Variants in SORCS2 observed in about 807,000 individuals in gnomAD.
SORCS2 encodes sortilin related VPS10 domain containing receptor 2.
Under a neutral mutation model 141.6 loss-of-function variants are expected in SORCS2, and 100 were observed. The ratio of observed to expected loss-of-function variants is 0.71; its 90% CI spans 0.60 to 0.83. SORCS2 has a LOEUF of 0.83. Among genes scored for constraint, SORCS2 ranks in the 40% least tolerant of loss-of-function variants. The pLI is 0.00. For missense variants in SORCS2, 1,646 were observed against 1,560.2 expected (o/e 1.05, Z -0.93); for synonymous variants, 789 against 676.9 (o/e 1.17, Z -2.57).
At chr4:7,374,456 G>T (rs1248460023) in intron 1 of SORCS2, among the ~76,000 whole-genome samples, 2 of 152,084 alleles carry the variant, frequency 1.3e-5, no homozygotes, top group Non-Finnish European at 2.9e-5. Flanking sequence ...TGAAAATCGG[G>T]TGCCACGCTG....
At chr4:7,438,788 C>G (rs1314384199) in intron 2 of SORCS2, among the ~76,000 whole-genome samples, 1 of 152,078 alleles carries the variant, frequency 6.6e-6, no homozygotes, top group African/African-American at 2.4e-5. Context: ...GAGGTTCTCA[C>G]TACCCCTCCC....
At chr4:7,597,524 C>G (rs1266501317) in intron 3 of SORCS2, among the ~76,000 whole-genome samples, 1 of 106,294 alleles carries the variant, frequency 9.4e-6, no homozygotes, top group Non-Finnish European at 1.9e-5. Flanking sequence ...AGAGGTTACA[C>G]AATGGCGGGG....
intron 1 of SORCS2, among the ~76,000 whole-genome samples, chr4:7,328,716 CCT>C (rs1719443724): frequency 6.6e-6 from 1 of 152,180 alleles, no homozygotes; most frequent in Non-Finnish European, 1.5e-5. Flanking sequence ...CTTCCCTGCT[CCT>C]CACAGCTGCA....
At chr4:7,644,797 C>T (rs1291221881) in intron 4 of SORCS2, among the ~76,000 whole-genome samples, 1 of 152,236 alleles carries the variant, frequency 6.6e-6, no homozygotes, top group Non-Finnish European at 1.5e-5. Context: ...TGTCCTCACT[C>T]ACCACCTCCA....
intron 10 of SORCS2, among the ~76,000 whole-genome samples, chr4:7,686,284 C>T (rs1723865200): frequency 6.6e-6 from 1 of 152,260 alleles, no homozygotes; most frequent in African/African-American, 2.4e-5. Flanking sequence ...ACTTCATTCA[C>T]CGTGCAGTCC....
intron 2 of SORCS2, chr4:7,431,820 G>A (rs1342820224): frequency 2.0e-5 from 3 of 152,224 alleles, no homozygotes; most frequent in Non-Finnish European, 4.4e-5. Flanking sequence ...GGTCTGCGAC[G>A]TTTACTTAAG....
At chr4:7,720,162 A>G (rs749076161) in intron 18 of SORCS2, among the ~76,000 whole-genome samples, 3 of 152,188 alleles carry the variant, frequency 2.0e-5, no homozygotes, top group Non-Finnish European at 4.4e-5. Context: ...TATCTTGCAA[A>G]CAGCACTGGG....
intron 1 of SORCS2, among the ~76,000 whole-genome samples, chr4:7,276,293 C>G (rs919733113): frequency 2.0e-5 from 3 of 152,324 alleles, no homozygotes; most frequent in African/African-American, 4.8e-5. Context: ...GGGAAGGCAG[C>G]CTGCCCATGC....
At chr4:7,416,662 A>G (rs971271030) in intron 2 of SORCS2, among the ~76,000 whole-genome samples, 1 of 152,154 alleles carries the variant, frequency 6.6e-6, no homozygotes, top group Non-Finnish European at 1.5e-5. Flanking sequence ...GCATGCATGC[A>G]CACACTTGTG....
At chr4:7,391,237 G>A (rs971495126) in intron 1 of SORCS2, among the ~76,000 whole-genome samples, 6 of 152,228 alleles carry the variant, frequency 3.9e-5, no homozygotes, top group Non-Finnish European at 8.8e-5. Flanking sequence ...AGGTGAAGAC[G>A]CTGACGACTT....
At chr4:7,572,028 C>T (rs921548955) in intron 3 of SORCS2, among the ~76,000 whole-genome samples, 8 of 152,168 alleles carry the variant, frequency 5.3e-5, no homozygotes, top group Non-Finnish European at 8.8e-5. Context: ...TTTGCCCCTA[C>T]GTATGTCTGG....
intron 1 of SORCS2, among the ~76,000 whole-genome samples, chr4:7,258,230 T>C (rs531332727): frequency 4.9e-4 from 74 of 152,324 alleles, no homozygotes; most frequent in African/African-American, 1.6e-3. Flanking sequence ...ACATATGCCA[T>C]GGTGGTTTGC....
At chr4:7,529,138 G>A (rs967618852) in intron 2 of SORCS2, among the ~76,000 whole-genome samples, 1 of 152,080 alleles carries the variant, frequency 6.6e-6, no homozygotes, top group Non-Finnish European at 1.5e-5. Context: ...GGAATTTGGG[G>A]AACACTACTC....
At chr4:7,229,021 T>C (rs1437825595) in intron 1 of SORCS2, among the ~76,000 whole-genome samples, 1 of 152,188 alleles carries the variant, frequency 6.6e-6, no homozygotes, top group South Asian at 2.1e-4. Flanking sequence ...CTTGCTCTGC[T>C]TCGTGGCCTG....
At chr4:7,451,398 G>A (rs754940179) in intron 2 of SORCS2, among the ~76,000 whole-genome samples, 12 of 152,258 alleles carry the variant, frequency 7.9e-5, no homozygotes, top group Non-Finnish European at 1.5e-4. Flanking sequence ...CAAGGGATGA[G>A]AAATGGTTTC....
chr4:7,259,482 C>T (rs889881245), intron 1 of SORCS2, among the ~76,000 whole-genome samples: 6 of 152,176 alleles, frequency 3.9e-5, no homozygotes, highest in African/African-American at 7.2e-5. Context: ...GTGCTGAGGG[C>T]GCTCTTCCTG....
At chr4:7,498,908 G>A (rs1343429095) in intron 2 of SORCS2, among the ~76,000 whole-genome samples, 2 of 152,208 alleles carry the variant, frequency 1.3e-5, no homozygotes, top group East Asian at 1.9e-4. Context: ...AACATGTCAA[G>A]CTGAGCGTGG....
At chr4:7,720,131 T>C (rs1726489942) in intron 18 of SORCS2, among the ~76,000 whole-genome samples, 1 of 151,916 alleles carries the variant, frequency 6.6e-6, no homozygotes, top group African/African-American at 2.4e-5. Context: ...TCACACACTG[T>C]CTCACACACA....
chr4:7,562,257 A>G (rs1166060998), intron 3 of SORCS2, among the ~76,000 whole-genome samples: 1 of 151,982 alleles, frequency 6.6e-6, no homozygotes, highest in Non-Finnish European at 1.5e-5. Flanking sequence ...CTGTGGGGAG[A>G]TGGGAAAGAG....
Sources: allele counts gnomAD v4.1 joint callset (sites outside exome capture counted in the v4.1 genomes callset), GRCh38; gene constraint gnomAD v4.1.1; transcripts MANE v1.5; gene names NCBI Gene and HGNC (gene_info 2026-07-23, HGNC 2026-07-21).